Variants in PLCE1 observed in about 807,000 individuals in gnomAD.
PLCE1 encodes phospholipase C epsilon 1.
A neutral mutation model predicts 242.8 loss-of-function variants in PLCE1; 119 were observed. The observed-to-expected ratio is 0.49, with a 90% confidence interval of 0.42 to 0.57. The LOEUF is 0.57. Ranked by LOEUF, PLCE1 falls within the 20% of genes least tolerant of loss-of-function variation. The probability of loss-of-function intolerance (pLI) is 0.00; values close to 1 mark genes in which losing one functional copy is unlikely to be tolerated. For synonymous variants in PLCE1, 945 were observed against 1,017.4 expected (o/e 0.93, Z 1.35); for missense variants, 2,441 against 2,788.8 (o/e 0.88, Z 2.81).
chr10:94,005,934 A>G (rs537300022), intron 1 of PLCE1, among the ~76,000 whole-genome samples: 1 of 152,286 alleles, frequency 6.6e-6, no homozygotes, highest in East Asian at 1.9e-4. Flanking sequence ...TCTTATTTCC[A>G]GCCCTCACAC....
intron 18 of PLCE1, among the ~76,000 whole-genome samples, chr10:94,273,141 A>T (rs948193591): frequency 6.6e-6 from 1 of 152,148 alleles, no homozygotes; most frequent in Admixed American, 6.5e-5. Flanking sequence ...TCTTTACACT[A>T]TGTGGACGCA....
At chr10:94,173,603 C>T (rs1749324) in intron 4 of PLCE1, among the ~76,000 whole-genome samples, 152,141 of 152,320 alleles carry the variant, frequency 1, 75,981 homozygotes, top group Non-Finnish European at 1. Flanking sequence ...TAATTTTAAA[C>T]TAAACTTGGA....
chr10:94,244,417 A>G (rs2050609054), intron 7 of PLCE1, among the ~76,000 whole-genome samples: 1 of 152,170 alleles, frequency 6.6e-6, no homozygotes, highest in Non-Finnish European at 1.5e-5. Context: ...ACAACTTCCT[A>G]TGCTTTGAAA....
At chr10:94,124,951 C>A (rs1173811350) in intron 2 of PLCE1, among the ~76,000 whole-genome samples, 1 of 152,196 alleles carries the variant, frequency 6.6e-6, no homozygotes, top group Non-Finnish European at 1.5e-5. Context: ...TATGCCATTT[C>A]ATATGATTTA....
rs1236250466 is a variant in PLCE1, at chr10:94,298,412, A to T, written c.5201A>T (p.Glu1734Val). ...SCEGIRQTWE[E>V]SSSPLNPTTS... ...GAAGGCATTCGACAGACCTGGGAGGAATCTTCTTCCCCTCTCAACCCAACC... is the reference window on the plus strand; with the variant it reads ...GAAGGCATTCGACAGACCTGGGAGGTATCTTCTTCCCCTCTCAACCCAACC... Residue 1734 changes from glutamate to valine, a missense_variant, in exon 24 of 33, where the codon GAA becomes GTA. This residue lies in a region of PLCE1 where 1,004 missense variants were observed against 1,322.7 expected (regional missense o/e 0.76). Transcript: ENST00000371380. The surrounding 1 kb of genome is among the most constrained non-coding windows in gnomAD (Gnocchi z 5.2). 8 of 1,614,004 alleles carry T rather than the reference A, an allele frequency of 5.0e-6. No homozygotes were observed. Among genetic ancestry groups the T allele is most frequent in the Non-Finnish European group, 6.8e-6 (8 of 1,179,976 alleles).
intron 2 of PLCE1, chr10:94,105,004 A>AT (rs1220954780): frequency 6.6e-6 from 1 of 152,172 alleles, no homozygotes; most frequent in Non-Finnish European, 1.5e-5. Context: ...CCTATGTTTT[A>AT]TTTATTCGTT....
chr10:94,085,564 C>T (rs1438207138), intron 2 of PLCE1, among the ~76,000 whole-genome samples: 1 of 152,152 alleles, frequency 6.6e-6, no homozygotes, highest in Non-Finnish European at 1.5e-5. Flanking sequence ...GCAGGGTGTT[C>T]CACATGTCCA....
intron 3 of PLCE1, among the ~76,000 whole-genome samples, chr10:94,154,898 A>T (rs1281680169): frequency 6.8e-6 from 1 of 146,684 alleles, no homozygotes; most frequent in Admixed American, 6.8e-5. Context: ...ATATATACAT[A>T]TATATATATA....
At chr10:94,169,662 G>A (rs2047911612) in intron 3 of PLCE1, among the ~76,000 whole-genome samples, 1 of 152,204 alleles carries the variant, frequency 6.6e-6, no homozygotes, top group Non-Finnish European at 1.5e-5. Context: ...ATAGTGAGTT[G>A]TTTAGGAAAA....
At chr10:94,238,315 A>G (rs1288944990) in intron 7 of PLCE1, among the ~76,000 whole-genome samples, 3 of 152,184 alleles carry the variant, frequency 2.0e-5, no homozygotes, top group Non-Finnish European at 4.4e-5. Context: ...GGTTGAAAAA[A>G]TCTTGAAATG....
intron 4 of PLCE1, among the ~76,000 whole-genome samples, chr10:94,179,254 C>T (rs1438370111): frequency 6.6e-6 from 1 of 152,126 alleles, no homozygotes; most frequent in Non-Finnish European, 1.5e-5. Flanking sequence ...GCAAGGTTAG[C>T]TGTAGATGGC....
At chr10:94,225,611 A>C (rs2049912565) in intron 4 of PLCE1, among the ~76,000 whole-genome samples, 1 of 152,178 alleles carries the variant, frequency 6.6e-6, no homozygotes, top group South Asian at 2.1e-4. Flanking sequence ...AGCCTGGGCA[A>C]CGAAGCAAGA....
chr10:94,254,265 A>T lies in PLCE1; in HGVS notation c.3355A>T (p.Ser1119Cys). 1 of 1,613,922 alleles carries T rather than the reference A, an allele frequency of 6.2e-7. No homozygotes were observed. Among genetic ancestry groups the T allele is most frequent in the African/African-American group, 1.3e-5 (1 of 75,018 alleles). ...GATGCACAAAGAGTGTCGAAGCCGG[A>T]GTGGTTCTGATCCTCAAGACATTAA... ...AKMHKECRSR[S>C]GSDPQDINEQ... The change falls in exon 10 of 33, where the codon AGT becomes TGT. Residue 1119 changes from serine (S) to cysteine (C), a missense_variant. Around this residue, in one of 5 missense-constraint regions of PLCE1, gnomAD observed 1,004 missense variants for 1,322.7 expected, o/e 0.76. Transcript: ENST00000371380.
chr10:94,235,778 C>T, intron 6 of PLCE1, 137 bp from the exon 7 acceptor site: 1 of 1,458,088 alleles, frequency 6.9e-7, no homozygotes, highest in Non-Finnish European at 9.1e-7. Context: ...AATGTTTTTC[C>T]TGGAGGCTCT....
At position 94,163,752 on chromosome 10, in the gene PLCE1, T is replaced by C. The variant is rs1366070535; in HGVS notation, c.1493-7428T>C. On this transcript the variant is annotated intron_variant, in intron 3 of 32. Coordinates refer to ENST00000371380, the MANE Select transcript of PLCE1 (RefSeq NM_016341.4). ...ACTTGATGCGGTTTCTTCCTAGCCG[T>C]GATGGTCTTTACAATTTGGCATGTT... Among the ~76,000 whole-genome samples, 24 of 152,314 alleles carry C rather than the reference T, an allele frequency of 1.6e-4. No homozygotes were observed. In the South Asian group the frequency reaches 5.0e-3, roughly 32 times the overall value.
At chr10:94,169,225 C>T (rs1017421363) in intron 3 of PLCE1, among the ~76,000 whole-genome samples, 2 of 152,040 alleles carry the variant, frequency 1.3e-5, no homozygotes, top group African/African-American at 2.4e-5. Context: ...AGTCACCATA[C>T]TCATGGAGGA....
intron 2 of PLCE1, among the ~76,000 whole-genome samples, chr10:94,044,220 T>A (rs933017246): frequency 3.3e-5 from 5 of 152,182 alleles, no homozygotes; most frequent in African/African-American, 1.2e-4. Context: ...AGTAATGAAA[T>A]AGATTTAAAC....
intron 1 of PLCE1, among the ~76,000 whole-genome samples, chr10:93,997,686 C>G (rs1418054388): frequency 8.9e-5 from 11 of 124,230 alleles, no homozygotes; most frequent in Non-Finnish European, 1.7e-4. Flanking sequence ...AGCTTTAACT[C>G]AGCTCATTAG....
rs144787736 is a variant in PLCE1, at chr10:94,170,325, C to T, written c.1493-855C>T. 3.3e-4 allele frequency among the ~76,000 whole-genome samples: 50 copies of T among 152,280 alleles called. 1 individual carries two copies. The East Asian group carries it at 9.1e-3, about 28-fold the overall frequency. The stretch of plus-strand genomic sequence containing the variant: ...TGTTCTAGGGCTCATCAGAGACTTT[C>T]CGTTTGTTGAATGAATGAATTACAG... On this transcript the variant is annotated intron_variant, in intron 3 of 32. Coordinates refer to ENST00000371380, the MANE Select transcript of PLCE1 (RefSeq NM_016341.4).
Sources: allele counts gnomAD v4.1 joint callset (sites outside exome capture counted in the v4.1 genomes callset), GRCh38; gene constraint gnomAD v4.1.1; regional missense constraint gnomAD v4.1.1; non-coding constraint Gnocchi (gnomAD v3.1); transcripts MANE v1.5; gene names NCBI Gene and HGNC (gene_info 2026-07-23, HGNC 2026-07-21).